The following PDE3A variants were observed in gnomAD, a reference collection of about 807,000 sequenced individuals.
PDE3A encodes the protein phosphodiesterase 3A.
PDE3A carries 43 observed loss-of-function variants against 98.3 expected under a neutral mutation model. The ratio of observed to expected loss-of-function variants is 0.44; its 90% CI spans 0.34 to 0.56. The LOEUF (loss-of-function observed/expected upper bound fraction) is 0.56. Ranked by LOEUF, PDE3A falls within the 20% of genes least tolerant of loss-of-function variation. The probability of loss-of-function intolerance (pLI) is 0.01; values close to 1 mark genes in which losing one functional copy is unlikely to be tolerated. For synonymous variants in PDE3A, 663 were observed against 567.9 expected (o/e 1.17, Z -2.38); for missense variants, 1,427 against 1,440.7 (o/e 0.99, Z 0.15).
chr12:20,381,354 G>A lies in PDE3A; in HGVS notation c.960+11110G>A, dbSNP rs543830019. ...GCCAAAAACTAATGGTAGTATTTTTGCTTGTGCACAAAGAAGACTAGATCA... is the reference window on the plus strand; with the variant it reads ...GCCAAAAACTAATGGTAGTATTTTTACTTGTGCACAAAGAAGACTAGATCA... On this transcript the variant is annotated intron_variant, in intron 1 of 15. Coordinates refer to ENST00000359062, the MANE Select transcript of PDE3A (RefSeq NM_000921.5). Among the ~76,000 whole-genome samples, 8 of 151,916 alleles carry A rather than the reference G, an allele frequency of 5.3e-5. No individual in the cohort carries two copies. In the South Asian group the frequency reaches 1.7e-3, roughly 32 times the overall value.
intron 1 of PDE3A, among the ~76,000 whole-genome samples, chr12:20,410,790 A>G (rs1756330219): frequency 6.6e-6 from 1 of 152,202 alleles, no homozygotes; most frequent in Non-Finnish European, 1.5e-5. Flanking sequence ...TATTTTGAAA[A>G]CATCTCTGTT....
intron 1 of PDE3A, among the ~76,000 whole-genome samples, chr12:20,438,985 G>A (rs747869821): frequency 6.6e-6 from 1 of 151,932 alleles, no homozygotes. Context: ...AGTGAAGACG[G>A]GGTTTCACCA....
At chr12:20,611,768 T>C (rs1287191087) in intron 2 of PDE3A, among the ~76,000 whole-genome samples, 4 of 151,856 alleles carry the variant, frequency 2.6e-5, no homozygotes, top group Admixed American at 2.6e-4. Flanking sequence ...ACAAGAATAA[T>C]ATATATTCAC....
intron 15 of PDE3A, among the ~76,000 whole-genome samples, chr12:20,667,698 G>T (rs1215001337): frequency 2.6e-5 from 4 of 152,162 alleles, no homozygotes; most frequent in Non-Finnish European, 5.9e-5. Context: ...AAGTCAGGTA[G>T]TGTGGTGCCT....
chr12:20,398,518 G>A (rs1944061906), intron 1 of PDE3A, among the ~76,000 whole-genome samples: 1 of 151,802 alleles, frequency 6.6e-6, no homozygotes, highest in Non-Finnish European at 1.5e-5. Context: ...ATGAAAGAAA[G>A]CCATCAAAAA....
chr12:20,499,414 T>C (rs1295607093), intron 1 of PDE3A, among the ~76,000 whole-genome samples: 2 of 152,198 alleles, frequency 1.3e-5, no homozygotes, highest in African/African-American at 4.8e-5. Context: ...CTGTGGATTG[T>C]GCCCGAGGTT....
intron 1 of PDE3A, among the ~76,000 whole-genome samples, chr12:20,499,336 C>G (rs1591991960): frequency 6.6e-6 from 1 of 151,912 alleles, no homozygotes; most frequent in Admixed American, 6.6e-5. Context: ...TTCCATGGAC[C>G]CTTACAAAAT....
chr12:20,411,805 C>A (rs1298767990), intron 1 of PDE3A, among the ~76,000 whole-genome samples: 1 of 152,114 alleles, frequency 6.6e-6, no homozygotes, highest in African/African-American at 2.4e-5. Context: ...CTAATGTCCC[C>A]GACGTAGTCT....
At chr12:20,425,733 A>G (rs1944592458) in intron 1 of PDE3A, among the ~76,000 whole-genome samples, 1 of 152,168 alleles carries the variant, frequency 6.6e-6, no homozygotes, top group Non-Finnish European at 1.5e-5. Context: ...GATGATGACA[A>G]TGATGATATT....
At chr12:20,392,709 T>C (rs1943941269) in intron 1 of PDE3A, among the ~76,000 whole-genome samples, 1 of 151,984 alleles carries the variant, frequency 6.6e-6, no homozygotes, top group South Asian at 2.1e-4. Flanking sequence ...TCACAATAGC[T>C]AAGATACAGA....
At chr12:20,629,414 C>T (rs1224648069) in intron 5 of PDE3A, among the ~76,000 whole-genome samples, 2 of 152,154 alleles carry the variant, frequency 1.3e-5, no homozygotes. Context: ...GGTTAATTTC[C>T]TCTCAGTAAT....
At chr12:20,402,235 C>T (rs1306684895) in intron 1 of PDE3A, among the ~76,000 whole-genome samples, 4 of 151,998 alleles carry the variant, frequency 2.6e-5, no homozygotes, top group Admixed American at 1.3e-4. Context: ...CTGCAGCCTC[C>T]GCCTCCCGGG....
chr12:20,448,381 C>G (rs1312745530), intron 1 of PDE3A, among the ~76,000 whole-genome samples: 1 of 152,152 alleles, frequency 6.6e-6, no homozygotes, highest in Non-Finnish European at 1.5e-5. Context: ...GCGGCAGTTG[C>G]TGTGAGCCGA....
At chr12:20,482,295 A>G (rs943984161) in intron 1 of PDE3A, among the ~76,000 whole-genome samples, 1 of 152,088 alleles carries the variant, frequency 6.6e-6, no homozygotes, top group Non-Finnish European at 1.5e-5. Flanking sequence ...ATAGGAACAC[A>G]AATATTTTTG....
At chr12:20,609,370 T>G (rs962225440) in intron 2 of PDE3A, among the ~76,000 whole-genome samples, 5 of 152,012 alleles carry the variant, frequency 3.3e-5, no homozygotes, top group African/African-American at 1.2e-4. Flanking sequence ...GGTAAAAGAT[T>G]TGTACATTGA....
intron 2 of PDE3A, among the ~76,000 whole-genome samples, chr12:20,567,773 G>T (rs7971334): frequency 0.23 from 35,594 of 151,688 alleles, 4,626 homozygotes; most frequent in South Asian, 0.36. Flanking sequence ...TTTTCACTAT[G>T]TTTTGCCATT....
chr12:20,627,564 C>T (rs1301610636), intron 5 of PDE3A, among the ~76,000 whole-genome samples: 1 of 151,858 alleles, frequency 6.6e-6, no homozygotes, highest in African/African-American at 2.4e-5. Context: ...AAATTTTACC[C>T]ACCCCCACCC....
chr12:20,516,520 A>G lies in PDE3A; in HGVS notation c.961-40140A>G, dbSNP rs547335038. 2.0e-5 allele frequency among the ~76,000 whole-genome samples: 3 copies of G among 152,324 alleles called. No individual in the cohort carries two copies. In the East Asian group the frequency reaches 5.8e-4, roughly 29 times the overall value. ...ATGTAGAATACCTATACATTTACAC[A>G]TGTAAAAAATGAAGCCTCAATGTCT... On this transcript the variant is annotated intron_variant, in intron 1 of 15. Coordinates refer to ENST00000359062, the MANE Select transcript of PDE3A (RefSeq NM_000921.5).
intron 1 of PDE3A, among the ~76,000 whole-genome samples, chr12:20,389,626 T>TG (rs1232903085): frequency 1.3e-5 from 2 of 151,950 alleles, no homozygotes; most frequent in Admixed American, 6.6e-5. Flanking sequence ...TGGGGATTGC[T>TG]GGGGGAAGAT....
Sources: gnomAD v4.1 joint callset for allele counts (sites outside exome capture counted in the v4.1 genomes callset) on GRCh38, gnomAD v4.1.1 for gene constraint, MANE v1.5 for transcripts, NCBI Gene and HGNC (gene_info 2026-07-23, HGNC 2026-07-21) for gene names.